Variants in MYZAP observed in about 807,000 individuals in gnomAD.
MYZAP encodes myocardial zonula adherens protein, also known as GRINL1A complex locus upstream.
In MYZAP, 66 loss-of-function variants were observed where a neutral mutation model predicts 69.4. That is an observed-to-expected ratio of 0.95 (90% CI 0.78 to 1.17). The LOEUF (loss-of-function observed/expected upper bound fraction) is 1.17, where lower values mean the gene tolerates loss of function less well. MYZAP is among the 50% of genes most tolerant of loss of function. The pLI is 0.00. For synonymous variants in MYZAP, 256 were observed against 205.9 expected (o/e 1.24, Z -2.09); for missense variants, 611 against 556.2 (o/e 1.10, Z -0.99).
intron 3 of MYZAP, 127 bp from the exon 4 acceptor site, chr15:57,621,481 G>A (rs1595876809): frequency 3.1e-6 from 3 of 982,694 alleles, no homozygotes; most frequent in East Asian, 6.0e-5. Context: ...CAAAGTGCTG[G>A]GATTACAGGC....
At position 57,633,717 on chromosome 15, in the gene MYZAP, C is replaced by T. The variant is rs765127132; in HGVS notation, c.909C>T (p.Asp303=). 2.5e-6 allele frequency: 4 copies of T among 1,610,826 alleles called. No individual in the cohort carries two copies. Among genetic ancestry groups the T allele is most frequent in the Non-Finnish European group, 3.4e-6 (4 of 1,178,586 alleles). Residue 303 remains aspartate, a synonymous_variant, in exon 8 of 13, where the codon GAC becomes GAT. Transcript: ENST00000267853. ...AAGACCAGAGGATCGGGGAGCTGGA[C>T]AGGCTGATTGAGCGCATGGAAAAGG... ...EEKDQRIGEL[D]RLIERMEKER... is the part of the protein sequence containing the mutation.
chr15:57,670,281 G>A (rs2140599073), intron 11 of MYZAP, among the ~76,000 whole-genome samples: 1 of 151,946 alleles, frequency 6.6e-6, no homozygotes, highest in Middle Eastern at 3.4e-3. Context: ...CTGTTACTAG[G>A]TATATACACA....
chr15:57,595,726 G>C (rs1160687721), intron 1 of MYZAP, among the ~76,000 whole-genome samples: 1 of 152,156 alleles, frequency 6.6e-6, no homozygotes, highest in East Asian at 1.9e-4. Flanking sequence ...CTGTTGGCTG[G>C]TGTTGCTGCT....
At chr15:57,646,073 G>A (rs1419268099) in intron 10 of MYZAP, 13 of 1,015,092 alleles carry the variant, frequency 1.3e-5, no homozygotes, top group African/African-American at 1.7e-5. Context: ...CCAAATGGGG[G>A]TAGGGGAAAG....
At position 57,633,712 on chromosome 15, in the gene MYZAP, C is replaced by G. The variant is rs577399655; in HGVS notation, c.904C>G (p.Leu302Val). 8.1e-6 allele frequency: 13 copies of G among 1,611,156 alleles called. No homozygotes were observed. In the Admixed American group the frequency reaches 1.0e-4, roughly 12 times the overall value. The stretch of plus-strand genomic sequence containing the variant: ...GGAGAAAGACCAGAGGATCGGGGAG[C>G]TGGACAGGCTGATTGAGCGCATGGA... ...LEEKDQRIGE[L>V]DRLIERMEKE... is the part of the protein sequence containing the mutation. The change falls in exon 8 of 13, where the codon CTG (leucine) becomes GTG (valine). Residue 302 changes from leucine (L) to valine (V), a missense_variant. Transcript: ENST00000267853.
intron 2 of MYZAP, among the ~76,000 whole-genome samples, 200 bp from the exon 3 acceptor site, chr15:57,617,833 G>C (rs1352175472): frequency 6.6e-6 from 1 of 152,102 alleles, no homozygotes; most frequent in Non-Finnish European, 1.5e-5. Flanking sequence ...CTCTTCCTCC[G>C]GGGTAAAAGC....
At chr15:57,629,598 A>G in intron 5 of MYZAP, 104 bp from the exon 6 acceptor site, 1 of 1,453,252 alleles carries the variant, frequency 6.9e-7, no homozygotes, top group Non-Finnish European at 9.2e-7. Context: ...AGCCTAGGAC[A>G]GCTACCCCAG....
chr15:57,650,504 G>A (rs2037675383), intron 10 of MYZAP, among the ~76,000 whole-genome samples: 1 of 152,178 alleles, frequency 6.6e-6, no homozygotes, highest in Non-Finnish European at 1.5e-5. Flanking sequence ...TAAGTTCATA[G>A]GCTTTGAGTA....
intron 12 of MYZAP, among the ~76,000 whole-genome samples, chr15:57,676,197 C>G (rs1480896736): frequency 6.6e-6 from 1 of 151,906 alleles, no homozygotes; most frequent in Non-Finnish European, 1.5e-5. Context: ...TACAGTAAGG[C>G]CTCCTTTCCT....
At position 57,624,823 on chromosome 15, in the gene MYZAP, C is replaced by A. The variant is rs142777542; in HGVS notation, c.412-956C>A. On this transcript the variant is annotated intron_variant, in intron 4 of 12. Coordinates refer to ENST00000267853, the MANE Select transcript of MYZAP (RefSeq NM_001018100.5). ...CACAAAGCTGCCACATGCTCCTGGG[C>A]CTGGCTTGCTGCTTCAATTCTGTCT... Among the ~76,000 whole-genome samples, 876 of 152,254 alleles carry A rather than the reference C, an allele frequency of 5.8e-3. 14 individuals carry two copies. Among genetic ancestry groups the A allele is most frequent in the African/African-American group, 0.02 (830 of 41,542 alleles).
chr15:57,635,464 A>G (rs149725724), intron 8 of MYZAP, among the ~76,000 whole-genome samples: 1,723 of 152,264 alleles, frequency 0.011, 15 homozygotes, highest in Non-Finnish European at 0.02. Flanking sequence ...TGATTTTCAC[A>G]TGGAGCCCTC....
At chr15:57,648,159 A>AT in intron 10 of MYZAP, 1 of 984,146 alleles carries the variant, frequency 1.0e-6, no homozygotes, top group Non-Finnish European at 1.2e-6. Context: ...TAAAATGTCA[A>AT]TTTTTAGAAG....
chr15:57,620,954 G>A (rs1176089071), intron 3 of MYZAP, among the ~76,000 whole-genome samples: 1 of 149,518 alleles, frequency 6.7e-6, no homozygotes, highest in East Asian at 1.9e-4. Flanking sequence ...TATTTATTAT[G>A]ATAGTTACAT....
chr15:57,680,667 T>G (rs1356362908), intron 12 of MYZAP: 1 of 152,218 alleles, frequency 6.6e-6, no homozygotes, highest in Non-Finnish European at 1.5e-5. Flanking sequence ...TGACTTTTCT[T>G]TCTTCTGCCC....
At chr15:57,675,393 G>C (rs2039068121) in intron 12 of MYZAP, among the ~76,000 whole-genome samples, 3 of 152,126 alleles carry the variant, frequency 2.0e-5, no homozygotes, top group Admixed American at 2.0e-4. Context: ...AGACAGTTAT[G>C]ACACAGAGAG....
chr15:57,624,743 C>G lies in MYZAP; in HGVS notation c.412-1036C>G, dbSNP rs551740831. 5.9e-5 allele frequency among the ~76,000 whole-genome samples: 9 copies of G among 152,350 alleles called. No homozygotes were observed. In the South Asian group the frequency reaches 1.9e-3, roughly 32 times the overall value. On this transcript the variant is annotated intron_variant, in intron 4 of 12. Coordinates refer to ENST00000267853, the MANE Select transcript of MYZAP (RefSeq NM_001018100.5). ...CTCCTCCTTCTCCAAGTCATCCTACCTACTGCAGCCAGATTAAGATTGCTA... is the reference window on the plus strand; with the variant it reads ...CTCCTCCTTCTCCAAGTCATCCTACGTACTGCAGCCAGATTAAGATTGCTA...
rs185328366 is a variant in MYZAP, at chr15:57,676,342, C to T, written c.1304+1274C>T. On this transcript the variant is annotated intron_variant, in intron 12 of 12. Transcript: ENST00000267853. ...ACAGTGTCCTCAATTACATTGCTTG[C>T]CTTCTAGTAAAAAGGCATTTTTTAT... 2.9e-3 allele frequency among the ~76,000 whole-genome samples: 431 copies of T among 150,058 alleles called. 2 individuals are homozygous for T. The highest frequency in any genetic ancestry group is 0.01 in the African/African-American group (421 of 40,930).
intron 10 of MYZAP, among the ~76,000 whole-genome samples, chr15:57,648,806 A>G (rs2037581697): frequency 6.7e-6 from 1 of 150,368 alleles, no homozygotes; most frequent in South Asian, 2.1e-4. Flanking sequence ...TTTTTTAAAG[A>G]AAAGAACACA....
Position 57,675,587 on chromosome 15 carries a change from G to C in MYZAP, c.1304+519G>C, listed in dbSNP as rs2039077721. ...TGTAACAGGGTATTGTCAAGCACTG[G>C]ATCCAGTTCATAAATACCTGATCTG... On this transcript the variant is annotated intron_variant, in intron 12 of 12. Transcript: ENST00000267853. 2.6e-5 allele frequency among the ~76,000 whole-genome samples: 4 copies of C among 152,144 alleles called. No homozygotes were observed. In the South Asian group the frequency reaches 8.3e-4, roughly 32 times the overall value.
Sources: gnomAD v4.1 joint callset for allele counts (sites outside exome capture counted in the v4.1 genomes callset) on GRCh38, gnomAD v4.1.1 for gene constraint, MANE v1.5 for transcripts, NCBI Gene and HGNC (gene_info 2026-07-23, HGNC 2026-07-21) for gene names.